Variants in MUC4 observed in about 807,000 individuals in gnomAD.
MUC4 encodes the protein mucin-4.
In MUC4, 202 loss-of-function variants were observed where a neutral mutation model predicts 257.9. The observed-to-expected ratio is 0.78, with a 90% CI of 0.70 to 0.88. The LOEUF is 0.88. Among genes scored for constraint, MUC4 ranks in the 40% least tolerant of loss-of-function variants. The probability of loss-of-function intolerance (pLI) is 0.00; values close to 1 mark genes in which losing one functional copy is unlikely to be tolerated. For missense variants in MUC4, 5,976 were observed against 6,513.7 expected (o/e 0.92, Z 2.84); for synonymous variants, 2,351 against 2,757.1 (o/e 0.85, Z 4.62).
Position 195,791,492 on chromosome 3 carries a change from T to C in MUC4, c.88A>G (p.Thr30Ala). Residue 30 changes from threonine (T) to alanine (A), a missense_variant, in exon 2 of 25, where the codon ACA becomes GCA. By Grantham distance (58) the Thr-to-Ala change is moderately conservative (BLOSUM62 0). Transcript: ENST00000463781. ...CTTCCAGTTATTAATGTGTCCTCTG[T>C]GGTTCCTGGAGTGAACCAAAATAGG... ...CLLPHVVPGT[T>A]EDTLITGSKT... 3 of 1,612,624 alleles carry C rather than the reference T, an allele frequency of 1.9e-6. No homozygotes were observed. Among genetic ancestry groups the C allele is most frequent in the Non-Finnish European group, 2.5e-6 (3 of 1,178,920 alleles).
chr3:195,791,559 T>C (rs1291979720), intron 1 of MUC4, 62 bp from the exon 2 acceptor site: 44 of 1,046,876 alleles, frequency 4.2e-5, no homozygotes, highest in Non-Finnish European at 5.3e-5. Context: ...TATTCACAAT[T>C]GCTACAAATA....
At position 195,748,997 on chromosome 3, in the gene MUC4, G is replaced by A. The variant is rs201934774; in HGVS notation, c.15939C>T (p.Ser5313=). The A allele has an allele frequency of 1.2e-3, 1,866 of 1,609,260 alleles. No homozygotes were observed. Among genetic ancestry groups the A allele is most frequent in the Non-Finnish European group, 1.5e-3 (1,792 of 1,177,606 alleles). The change falls in exon 24 of 25, where the codon AGC becomes AGT. Residue 5313 remains serine, a synonymous_variant. Transcript: ENST00000463781. ...DGYKGYDLVY[S]PQSGFTCVSP... ...ACACGCAGGTGAAGCCGCTCTGGGG[G>A]CTGTAGACCAGGTCGTAGCCCTTGT...
Position 195,784,905 on chromosome 3 carries a change from A to G in MUC4, c.6675T>C (p.Leu2225=), listed in dbSNP as rs1171596144. 11 of 1,438,900 alleles carry G rather than the reference A, an allele frequency of 7.6e-6. 1 individual carries two copies. The African/African-American group carries it at 1.3e-4, about 17-fold the overall frequency. 89.1% of individuals were successfully genotyped at this position (1,438,900 alleles called of 1,614,324 possible). A position where few individuals can be genotyped will look rare whatever the true frequency, so the allele number is the denominator to read the frequency against. ...SSASTGHAIP[L]LVTDTSSAST... is the part of the protein sequence containing the mutation. ...ATGCTGAGGAAGTGTCGGTGACAAG[A>G]AGAGGGATGGCGTGACCTGTGGATG... Residue 2225 remains leucine (L), a synonymous_variant, in exon 2 of 25, where the codon CTT becomes CTC. Transcript: ENST00000463781.
At chr3:195,754,138 G>C in intron 19 of MUC4, 75 bp downstream of exon 19, 7 of 1,492,288 alleles carry the variant, frequency 4.7e-6, no homozygotes, top group East Asian at 2.4e-5. Flanking sequence ...GAAATGGTTT[G>C]CCTTTGGCTG....
At position 195,781,688 on chromosome 3, in the gene MUC4, G is replaced by C. The variant is rs748515303; in HGVS notation, c.9892C>G (p.Leu3298Val). The change falls in exon 2 of 25, where the codon CTT (leucine) becomes GTT (valine). Residue 3298 changes from leucine to valine, a missense_variant. This residue lies in a region of MUC4 where 51 missense variants were observed against 66.9 expected (regional missense o/e 0.76). Transcript: ENST00000463781. ...SSSTGDTTPLLVTETSSVSTG... is the reference protein window; with the variant it reads ...SSSTGDTTPLVVTETSSVSTG... ...GATACTGAGGAAGTCTCGGTGACAA[G>C]AAGAGGGGTGGTGTCACCTGTGGAT... The C allele has an allele frequency of 4.5e-4, 618 of 1,371,034 alleles. 35 individuals are homozygous for C. The African/African-American group carries it at 9.3e-3, about 21-fold the overall frequency. 84.9% of individuals were successfully genotyped at this position (1,371,034 alleles called of 1,614,324 possible). A position where few individuals can be genotyped will look rare whatever the true frequency, so the allele number is the denominator to read the frequency against.
chr3:195,759,637 G>A (rs991527813), intron 16 of MUC4, among the ~76,000 whole-genome samples: 3 of 152,174 alleles, frequency 2.0e-5, no homozygotes, highest in African/African-American at 4.8e-5. Context: ...CTGAAAACCT[G>A]AAGGGTGCTG....
chr3:195,790,776 G>A lies in MUC4; in HGVS notation c.804C>T (p.Thr268=). 1.9e-6 allele frequency: 3 copies of A among 1,614,018 alleles called. No homozygotes were observed. Among genetic ancestry groups the A allele is most frequent in the East Asian group, 2.2e-5 (1 of 44,886 alleles). ...GGTTTCCAAGAGTGGAGCCTGTGGAGGTTGTCACTGTTATCTTCTCTGATG... is the reference window on the plus strand; with the variant it reads ...GGTTTCCAAGAGTGGAGCCTGTGGAAGTTGTCACTGTTATCTTCTCTGATG... ...MMTSEKITVT[T]STGSTLGNPG... The change falls in exon 2 of 25, where the codon ACC becomes ACT. Residue 268 remains threonine (T), a synonymous_variant. Transcript: ENST00000463781.
At chr3:195,791,944 C>T (rs1249416431) in intron 1 of MUC4, among the ~76,000 whole-genome samples, 1 of 152,162 alleles carries the variant, frequency 6.6e-6, no homozygotes, top group Non-Finnish European at 1.5e-5. Flanking sequence ...ATGCAGAAAA[C>T]TGAAACTGGA....
intron 3 of MUC4, among the ~76,000 whole-genome samples, chr3:195,775,619 GTCATACCTTCCACA>G (rs1724361205): frequency 3.1e-4 from 10 of 32,554 alleles, no homozygotes; most frequent in African/African-American, 3.1e-4. Flanking sequence ...ACCTTCCACA[GTCATACCTTCCACA>G]CCCATACCTT....
At position 195,788,474 on chromosome 3, in the gene MUC4, C is replaced by T. The variant is rs757865408; in HGVS notation, c.3106G>A (p.Gly1036Ser). Residue 1036 changes from glycine to serine, a missense_variant, in exon 2 of 25, where the codon GGT becomes AGT. Transcript: ENST00000463781. ...GTGACAGGAAGAGGGGTGACGTGAC[C>T]TGTGGATTCTGAGGAAGTGTCGGTG... ...PVTDTSSEST[G>S]HVTPLPVTSF... is the part of the protein sequence containing the mutation. 22 of 1,544,498 alleles carry T rather than the reference C, an allele frequency of 1.4e-5. 1 individual carries two copies. The East Asian group carries it at 4.2e-4, about 29-fold the overall frequency.
chr3:195,800,395 A>G (rs1352467402), intron 1 of MUC4, among the ~76,000 whole-genome samples: 1 of 152,224 alleles, frequency 6.6e-6, no homozygotes, highest in Non-Finnish European at 1.5e-5. Context: ...TGCTGCCGCA[A>G]ATAGGAGGGC....
intron 21 of MUC4, 83 bp downstream of exon 21, chr3:195,752,290 G>A: frequency 7.9e-7 from 1 of 1,265,030 alleles, no homozygotes; most frequent in Non-Finnish European, 1.2e-6. Context: ...ATGACAAGAT[G>A]AAGGCCGCAC....
chr3:195,786,561 TG>T lies in MUC4; in HGVS notation c.5018del (p.Ala1673AspfsTer1331), dbSNP rs746632534. 49 of 1,515,480 alleles carry T rather than the reference TG, an allele frequency of 3.2e-5. 2 individuals are homozygous for T. In the African/African-American group the frequency reaches 6.8e-4, roughly 21 times the overall value. The allele number at this position is 1,515,480 out of a possible 1,614,324, so 93.9% of individuals were successfully genotyped here. A position where few individuals can be genotyped will look rare whatever the true frequency, so the allele number is the denominator to read the frequency against. The stretch of plus-strand genomic sequence containing the variant: ...GAAGAGGGGTGGCGTGACCGGTGGA[TG>T]CTGAGGAAGTGCTGGTGACAGGAAG... ...TPLPVTSTSS[A>X]STGHATPLPV... On this transcript the variant is annotated frameshift_variant, in exon 2 of 25. Transcript: ENST00000463781. LOFTEE classifies it high-confidence loss of function.
At chr3:195,796,921 A>G (rs1313725312) in intron 1 of MUC4, among the ~76,000 whole-genome samples, 4 of 152,082 alleles carry the variant, frequency 2.6e-5, no homozygotes, top group Admixed American at 2.6e-4. Flanking sequence ...AATACATGGA[A>G]GCATCGTAAA....
intron 3 of MUC4, among the ~76,000 whole-genome samples, 185 bp downstream of exon 3, chr3:195,778,118 G>T (rs1291688994): frequency 1.3e-5 from 2 of 152,206 alleles, no homozygotes; most frequent in African/African-American, 4.8e-5. Context: ...TCATTTCTCT[G>T]TCTCCAGCTC....
chr3:195,778,334 T>C lies in MUC4; in HGVS notation c.12912A>G (p.Thr4304=). 6.2e-7 allele frequency: 1 copy of C among 1,612,294 alleles called. No individual in the cohort carries two copies. Among genetic ancestry groups the C allele is most frequent in the South Asian group, 1.1e-5 (1 of 91,004 alleles). The change falls in exon 3 of 25, where the codon ACA becomes ACG. Residue 4304 remains threonine (T), a synonymous_variant. Coordinates refer to ENST00000463781, the MANE Select transcript of MUC4 (RefSeq NM_018406.7). ...IPSTAMHTRS[T]AAPIPILPER... ...CAGGCAGGATGGGGATGGGGGCAGC[T>C]GTGGAGCGGGTGTGCATGGCAGTGC...
At chr3:195,748,257 A>G (rs1336032713) in intron 24 of MUC4, among the ~76,000 whole-genome samples, 1 of 152,262 alleles carries the variant, frequency 6.6e-6, no homozygotes, top group African/African-American at 2.4e-5. Context: ...CAGCAGCCAG[A>G]TCAGGTGGGA....
intron 24 of MUC4, among the ~76,000 whole-genome samples, chr3:195,748,289 C>T (rs1461497494): frequency 2.0e-5 from 3 of 152,278 alleles, no homozygotes; most frequent in Admixed American, 1.3e-4. Context: ...TGGGCCCTGG[C>T]GCGGTGGCTC....
chr3:195,805,394 T>C (rs974032888), intron 1 of MUC4, among the ~76,000 whole-genome samples: 1 of 151,958 alleles, frequency 6.6e-6, no homozygotes, highest in Non-Finnish European at 1.5e-5. Flanking sequence ...CTCAACTCTC[T>C]TTTCCCCAAC....
Sources: gnomAD v4.1 joint callset for allele counts (sites outside exome capture counted in the v4.1 genomes callset) on GRCh38, gnomAD v4.1.1 for gene constraint, gnomAD v4.1.1 regional missense constraint, MANE v1.5 for transcripts, NCBI Gene and HGNC (gene_info 2026-07-23, HGNC 2026-07-21) for gene names.